Variants in OSBPL10 observed in about 807,000 individuals in gnomAD.
The protein encoded by OSBPL10 is oxysterol binding protein like 10.
Under a neutral mutation model 81.7 loss-of-function variants are expected in OSBPL10, and 49 were observed. That is an observed-to-expected ratio of 0.60 (90% CI 0.48 to 0.76). OSBPL10 has a LOEUF of 0.76. Ranked by LOEUF, OSBPL10 falls within the 30% of genes least tolerant of loss-of-function variation. The pLI is 0.00. For missense variants in OSBPL10, 923 were observed against 987.8 expected (o/e 0.93, Z 0.88); for synonymous variants, 419 against 383.6 (o/e 1.09, Z -1.08).
intron 7 of OSBPL10, among the ~76,000 whole-genome samples, chr3:31,689,129 A>G (rs1202064825): frequency 6.6e-6 from 1 of 152,192 alleles, no homozygotes; most frequent in African/African-American, 2.4e-5. Context: ...AAAAAAAAAA[A>G]GTCAAATCCA....
intron 4 of OSBPL10, among the ~76,000 whole-genome samples, chr3:31,814,425 T>C (rs1699781154): frequency 6.6e-6 from 1 of 151,968 alleles, no homozygotes; most frequent in South Asian, 2.1e-4. Context: ...CCTGTGGAGA[T>C]GTAATTAGTT....
intron 1 of OSBPL10, among the ~76,000 whole-genome samples, chr3:32,059,597 AC>A (rs1287755123): frequency 6.6e-6 from 1 of 151,520 alleles, no homozygotes; most frequent in Non-Finnish European, 1.5e-5. Context: ...TCTCAAAAAA[AC>A]AAAACAAAAC....
At chr3:31,697,183 G>T (rs1052874724) in intron 7 of OSBPL10, among the ~76,000 whole-genome samples, 3 of 152,184 alleles carry the variant, frequency 2.0e-5, no homozygotes, top group South Asian at 2.1e-4. Context: ...TAGAAGCCTT[G>T]AGCTGCCATT....
At chr3:31,805,512 G>A (rs1036566599) in intron 4 of OSBPL10, among the ~76,000 whole-genome samples, 8 of 152,134 alleles carry the variant, frequency 5.3e-5, no homozygotes, top group Non-Finnish European at 1.0e-4. Flanking sequence ...TTGGCTATAC[G>A]TGGTTTTAGC....
intron 1 of OSBPL10, among the ~76,000 whole-genome samples, chr3:31,883,774 T>C (rs1000155132): frequency 1.3e-5 from 2 of 152,130 alleles, no homozygotes; most frequent in Non-Finnish European, 2.9e-5. Flanking sequence ...TCCACCCGCC[T>C]CGGCCTCCCC....
chr3:31,753,780 T>A (rs1228412045), intron 4 of OSBPL10, among the ~76,000 whole-genome samples: 1 of 152,202 alleles, frequency 6.6e-6, no homozygotes, highest in African/African-American at 2.4e-5. Context: ...TGATTCTTAA[T>A]CTTAATCCTA....
chr3:31,797,469 A>G (rs907875082), intron 4 of OSBPL10, among the ~76,000 whole-genome samples: 5 of 152,160 alleles, frequency 3.3e-5, no homozygotes, highest in African/African-American at 1.2e-4. Flanking sequence ...TCATCCTAGT[A>G]TCATGGTGAA....
At chr3:31,929,865 G>A (rs1031378769) in intron 1 of OSBPL10, among the ~76,000 whole-genome samples, 4 of 151,938 alleles carry the variant, frequency 2.6e-5, no homozygotes, top group African/African-American at 9.7e-5. Flanking sequence ...TGGGCATGGC[G>A]ACTCATGCCT....
chr3:31,856,114 AC>A (rs2125586408), intron 3 of OSBPL10, among the ~76,000 whole-genome samples: 1 of 136,606 alleles, frequency 7.3e-6, no homozygotes, highest in South Asian at 2.4e-4. Flanking sequence ...ACACACACAC[AC>A]ACGTTTTAAT....
At chr3:31,731,893 T>C (rs1696981766) in intron 6 of OSBPL10, among the ~76,000 whole-genome samples, 1 of 152,076 alleles carries the variant, frequency 6.6e-6, no homozygotes, top group Admixed American at 6.5e-5. Context: ...ACAACAGACC[T>C]GGCCTCAAAC....
intron 1 of OSBPL10, among the ~76,000 whole-genome samples, chr3:31,965,384 T>C (rs1698293588): frequency 1.1e-5 from 1 of 94,868 alleles, no homozygotes; most frequent in Admixed American, 1.6e-4. Context: ...AATATATATA[T>C]TATGTATAAT....
chr3:31,847,639 C>A (rs1012847093), intron 3 of OSBPL10, among the ~76,000 whole-genome samples: 5 of 152,144 alleles, frequency 3.3e-5, no homozygotes, highest in African/African-American at 1.2e-4. Flanking sequence ...GACCCCTTCA[C>A]ACTCAACACT....
At chr3:31,990,243 T>C (rs1316620417) in intron 2 of OSBPL10, 1 of 1,613,958 alleles carries the variant, frequency 6.2e-7, no homozygotes, top group African/African-American at 1.3e-5. Flanking sequence ...TTATTCACCA[T>C]CAAGCAATCC....
intron 7 of OSBPL10, among the ~76,000 whole-genome samples, chr3:31,687,480 TAAGTA>T (rs1700822456): frequency 6.6e-6 from 1 of 150,828 alleles, no homozygotes; most frequent in African/African-American, 2.5e-5. Context: ...AAAAAAAAAA[TAAGTA>T]AATAAATAAG....
At chr3:31,902,285 C>T (rs1383360989) in intron 1 of OSBPL10, among the ~76,000 whole-genome samples, 8 of 122,430 alleles carry the variant, frequency 6.5e-5, no homozygotes, top group African/African-American at 9.7e-5. Context: ...TTTTTGGAGA[C>T]GGAGTCCCAC....
At chr3:32,007,363 A>T (rs779893344) in intron 2 of OSBPL10, among the ~76,000 whole-genome samples, 17 of 152,218 alleles carry the variant, frequency 1.1e-4, no homozygotes, top group South Asian at 2.1e-4. Context: ...ACTTGTTTTA[A>T]GCAAACTTAT....
At chr3:31,663,950 C>G (rs1700122914) in intron 11 of OSBPL10, 129 bp downstream of exon 11, 1 of 1,596,588 alleles carries the variant, frequency 6.3e-7, no homozygotes, top group African/African-American at 1.3e-5. Flanking sequence ...CAGAACCGAG[C>G]TGCCCTAGTC....
chr3:31,917,879 A>T (rs546794393), intron 1 of OSBPL10, among the ~76,000 whole-genome samples: 23 of 151,912 alleles, frequency 1.5e-4, no homozygotes, highest in South Asian at 4.2e-4. Context: ...AAAATGTGTG[A>T]TTACAGTTTA....
At chr3:31,686,690 T>A (rs1005791229) in intron 7 of OSBPL10, among the ~76,000 whole-genome samples, 1 of 152,102 alleles carries the variant, frequency 6.6e-6, no homozygotes, top group Non-Finnish European at 1.5e-5. Context: ...CTTGAAAAAA[T>A]TGAGAATCTG....
Sources: allele counts gnomAD v4.1 joint callset (sites outside exome capture counted in the v4.1 genomes callset), GRCh38; gene constraint gnomAD v4.1.1; transcripts MANE v1.5; gene names NCBI Gene and HGNC (gene_info 2026-07-23, HGNC 2026-07-21).